MTUS1: variants seen among roughly 807,000 people sequenced by gnomAD.
MTUS1 encodes microtubule associated scaffold protein 1, also known as microtubule-associated tumor suppressor 1.
Under a neutral mutation model 120.8 loss-of-function variants are expected in MTUS1, and 109 were observed. That is an observed-to-expected ratio of 0.90 (90% confidence interval 0.77 to 1.06). The LOEUF is 1.06. MTUS1 is among the 50% of genes least tolerant of loss of function. The probability of loss-of-function intolerance (pLI) is 0.00; values close to 1 mark genes in which losing one functional copy is unlikely to be tolerated. For missense variants in MTUS1, 2,210 were observed against 1,486.3 expected (o/e 1.49, Z -8.01); for synonymous variants, 737 against 550.5 (o/e 1.34, Z -4.74).
intron 3 of MTUS1, among the ~76,000 whole-genome samples, chr8:17,735,336 T>A (rs1212521408): frequency 6.6e-6 from 1 of 151,954 alleles, no homozygotes; most frequent in Admixed American, 6.5e-5. Flanking sequence ...TTAGGACTGT[T>A]CACACCAACA....
At chr8:17,769,135 C>T (rs1040386705) in intron 1 of MTUS1, among the ~76,000 whole-genome samples, 32 of 151,436 alleles carry the variant, frequency 2.1e-4, no homozygotes, top group African/African-American at 5.6e-4. Context: ...GCAAAGCCTG[C>T]GGGAAGTATA....
In MTUS1 at chr8:17,794,038, C is replaced by A. The variant is rs535856520; in HGVS notation, c.-155+7023G>T. Among the ~76,000 whole-genome samples the A allele has an allele frequency of 5.3e-5, 8 of 152,058 alleles. No homozygotes were observed. In the South Asian group the frequency reaches 1.7e-3, roughly 32 times the overall value. On this transcript the variant is annotated intron_variant, in intron 1 of 14. Coordinates refer to ENST00000693296, the MANE Select transcript of MTUS1 (RefSeq NM_001363059.2). ...AAAAATGGCTGAGGCTGAGGAAAACCAAACACAGGCCGGGCACAGTGGCTC... is the reference window on the plus strand; with the variant it reads ...AAAAATGGCTGAGGCTGAGGAAAACAAAACACAGGCCGGGCACAGTGGCTC...
chr8:17,657,800 A>AG (rs1491351379), intron 8 of MTUS1, among the ~76,000 whole-genome samples: 1 of 18,902 alleles, frequency 5.3e-5, no homozygotes, highest in Non-Finnish European at 1.6e-4. Context: ...ACCCTATCTC[A>AG]AAAAAAAAAA....
At chr8:17,688,050 C>G (rs1224385582) in intron 6 of MTUS1, among the ~76,000 whole-genome samples, 1 of 152,188 alleles carries the variant, frequency 6.6e-6, no homozygotes, top group Admixed American at 6.5e-5. Flanking sequence ...CTGAAGAAGC[C>G]ACACATTTCC....
chr8:17,671,919 A>C (rs1419559487), intron 8 of MTUS1, among the ~76,000 whole-genome samples: 1 of 152,110 alleles, frequency 6.6e-6, no homozygotes, highest in Non-Finnish European at 1.5e-5. Flanking sequence ...CTTTATATGC[A>C]TTACTATTTT....
chr8:17,790,333 G>A (rs2051668770), intron 1 of MTUS1, among the ~76,000 whole-genome samples: 1 of 135,428 alleles, frequency 7.4e-6, no homozygotes, highest in Non-Finnish European at 1.6e-5. Context: ...GGGTGACAGA[G>A]CAAGATTCCC....
chr8:17,652,693 G>A (rs998858804), intron 12 of MTUS1, among the ~76,000 whole-genome samples: 6 of 151,956 alleles, frequency 3.9e-5, no homozygotes, highest in Admixed American at 2.0e-4. Flanking sequence ...AAAATTAGCT[G>A]GCCATGGTGA....
intron 4 of MTUS1, chr8:17,722,030 C>T (rs1158353938): frequency 1.9e-5 from 26 of 1,346,408 alleles, no homozygotes; most frequent in South Asian, 2.2e-5. Flanking sequence ...CAAGGCACTA[C>T]ACAAAACAGA....
intron 3 of MTUS1, among the ~76,000 whole-genome samples, chr8:17,740,721 A>C (rs1322503552): frequency 6.6e-6 from 1 of 152,182 alleles, no homozygotes; most frequent in Non-Finnish European, 1.5e-5. Flanking sequence ...AAACAACAGA[A>C]ATTTGTTTTC....
chr8:17,719,750 G>A (rs1396750665), intron 4 of MTUS1, among the ~76,000 whole-genome samples: 4 of 152,134 alleles, frequency 2.6e-5, no homozygotes, highest in African/African-American at 4.8e-5. Flanking sequence ...AGTGTTGGCA[G>A]GTGAGACAAT....
At chr8:17,784,850 T>C (rs1275548275) in intron 1 of MTUS1, among the ~76,000 whole-genome samples, 1 of 151,598 alleles carries the variant, frequency 6.6e-6, no homozygotes, top group Non-Finnish European at 1.5e-5. Context: ...AGTGGTGCAA[T>C]CTTGGCTCAC....
At chr8:17,782,873 T>C (rs750602588) in intron 1 of MTUS1, among the ~76,000 whole-genome samples, 2 of 152,122 alleles carry the variant, frequency 1.3e-5, no homozygotes, top group African/African-American at 4.8e-5. Flanking sequence ...AAGTCAGGAG[T>C]TCGGGACCAG....
chr8:17,796,621 C>T (rs981747350), intron 1 of MTUS1, among the ~76,000 whole-genome samples: 7 of 152,260 alleles, frequency 4.6e-5, no homozygotes, highest in Admixed American at 4.6e-4. Flanking sequence ...AAATCTGTCA[C>T]CTCCAAAATG....
chr8:17,786,340 C>T (rs1323404278), intron 1 of MTUS1, among the ~76,000 whole-genome samples: 1 of 152,052 alleles, frequency 6.6e-6, no homozygotes, highest in Non-Finnish European at 1.5e-5. Flanking sequence ...CAGTCCTCAC[C>T]CGCTGCCATG....
At chr8:17,777,410 G>T (rs1402112797) in intron 1 of MTUS1, among the ~76,000 whole-genome samples, 1 of 150,990 alleles carries the variant, frequency 6.6e-6, no homozygotes, top group East Asian at 1.9e-4. Context: ...CTGTACTCCA[G>T]CTTGGGTGAC....
At chr8:17,712,708 T>C (rs1018267322) in intron 6 of MTUS1, among the ~76,000 whole-genome samples, 1 of 152,238 alleles carries the variant, frequency 6.6e-6, no homozygotes, top group African/African-American at 2.4e-5. Flanking sequence ...TGAAGATATT[T>C]TGTGAAATCT....
At chr8:17,722,523 C>A (rs1196304941) in intron 4 of MTUS1, 16 of 985,214 alleles carry the variant, frequency 1.6e-5, no homozygotes, top group Non-Finnish European at 1.8e-5. Flanking sequence ...AATTGCAAGT[C>A]ACATATCCCA....
intron 6 of MTUS1, among the ~76,000 whole-genome samples, chr8:17,705,230 T>C (rs1253013797): frequency 6.6e-6 from 1 of 152,176 alleles, no homozygotes; most frequent in African/African-American, 2.4e-5. Context: ...GCAATCCACC[T>C]GTCTTGGCCC....
chr8:17,721,287 A>C (rs573391103), intron 4 of MTUS1, among the ~76,000 whole-genome samples: 2 of 152,208 alleles, frequency 1.3e-5, no homozygotes, highest in African/African-American at 4.8e-5. Flanking sequence ...GTAGCCTTTA[A>C]AAGTATACAT....
Sources: gnomAD v4.1 joint callset for allele counts (sites outside exome capture counted in the v4.1 genomes callset) on GRCh38, gnomAD v4.1.1 for gene constraint, MANE v1.5 for transcripts, NCBI Gene and HGNC (gene_info 2026-07-23, HGNC 2026-07-21) for gene names.